The following COG5 variants were observed in gnomAD, a reference collection of about 807,000 sequenced individuals.
COG5 encodes conserved oligomeric Golgi complex subunit 5.
COG5 carries 86 observed loss-of-function variants against 110.4 expected under a neutral mutation model. The observed-to-expected ratio is 0.78, with a 90% CI of 0.65 to 0.93. The LOEUF is 0.93. COG5 is among the 40% of genes least tolerant of loss of function. The probability of loss-of-function intolerance (pLI) is 0.00; values close to 1 mark genes in which losing one functional copy is unlikely to be tolerated. For missense variants in COG5, 1,077 were observed against 987.0 expected, an observed-to-expected ratio of 1.09 and a Z score of -1.22; for synonymous variants, 360 against 334.6, an observed-to-expected ratio of 1.08 and a Z score of -0.83.
At chr7:107,253,936 C>T (rs766646878) in intron 16 of COG5, among the ~76,000 whole-genome samples, 4 of 152,098 alleles carry the variant, frequency 2.6e-5, no homozygotes, top group Non-Finnish European at 5.9e-5. Flanking sequence ...TTCCTTCCAT[C>T]CCCATTCTCT....
chr7:107,302,594 C>T (rs1055419355), intron 11 of COG5, among the ~76,000 whole-genome samples: 1 of 152,158 alleles, frequency 6.6e-6, no homozygotes, highest in Non-Finnish European at 1.5e-5. Context: ...TTTGGCCTCC[C>T]TCTTCCCTGA....
intron 7 of COG5, among the ~76,000 whole-genome samples, chr7:107,396,411 C>T (rs1584770595): frequency 6.6e-6 from 1 of 151,494 alleles, no homozygotes; most frequent in Non-Finnish European, 1.5e-5. Flanking sequence ...AATTAAGATA[C>T]TAAAAAGGAA....
chr7:107,266,384 T>C (rs1803805217), intron 14 of COG5, among the ~76,000 whole-genome samples: 1 of 152,168 alleles, frequency 6.6e-6, no homozygotes, highest in Non-Finnish European at 1.5e-5. Context: ...AAATTCTACT[T>C]AGGTTAACCA....
chr7:107,513,195 T>C (rs1799662080), intron 6 of COG5, among the ~76,000 whole-genome samples: 1 of 151,822 alleles, frequency 6.6e-6, no homozygotes. Context: ...TCAAACAAAT[T>C]TACAAGAAAA....
rs919233855 is a variant in COG5, at chr7:107,509,308, C to T, written c.538+17929G>A. Among the ~76,000 whole-genome samples, 6 of 151,428 alleles carry T rather than the reference C, an allele frequency of 4.0e-5. No homozygotes were observed. In the South Asian group the frequency reaches 8.4e-4, roughly 21 times the overall value. On this transcript the variant is annotated intron_variant, in intron 6 of 21. Transcript: ENST00000297135. ...AAGAAAGGGTACCAGTGATGGAAGACGAAATGAATGAACTGAAGCGAGAAG... is the reference window on the plus strand; with the variant it reads ...AAGAAAGGGTACCAGTGATGGAAGATGAAATGAATGAACTGAAGCGAGAAG...
Position 107,541,523 on chromosome 7 carries a change from A to AAAAAAATAT in COG5, c.417+6587_417+6588insATATTTTTT, listed in dbSNP as rs60423657. Among the ~76,000 whole-genome samples, 141 of 56,976 alleles carry AAAAAAATAT rather than the reference A, an allele frequency of 2.5e-3. 2 individuals carry two copies. Among genetic ancestry groups the AAAAAAATAT allele is most frequent in the Non-Finnish European group, 3.8e-3 (114 of 29,968 alleles). 37.4% of individuals were successfully genotyped at this position (56,976 alleles called of 152,430 possible). ...AAAAAAAAAAAAAAAAAAAAAAAAA[A>AAAAAAATAT]ATATATATATATATATATATGTATT... is the stretch of plus-strand genomic sequence containing the variant. On this transcript the variant is annotated intron_variant, in intron 5 of 21. Transcript: ENST00000297135.
rs568112360 is a variant in COG5 at position 107,371,291 on chromosome 7, C to T, written c.835+1304G>A. On this transcript the variant is annotated intron_variant, in intron 8 of 21. Coordinates refer to ENST00000297135, the MANE Select transcript of COG5 (RefSeq NM_006348.5). ...ATTACGTAAGGTCACATTTATATAG[C>T]AAATATAAAAATAATAGGCCAGGCA... Among the ~76,000 whole-genome samples, 16 of 152,084 alleles carry T rather than the reference C, an allele frequency of 1.1e-4. No homozygotes were observed. The South Asian group carries it at 3.3e-3, about 32-fold the overall frequency.
intron 18 of COG5, among the ~76,000 whole-genome samples, chr7:107,235,992 CTA>C (rs1801159708): frequency 6.6e-6 from 1 of 152,174 alleles, no homozygotes; most frequent in Admixed American, 6.5e-5. Flanking sequence ...TAATCAGACT[CTA>C]TGTCTACCTG....
At chr7:107,236,729 A>C (rs1048289264) in intron 17 of COG5, 42 bp from the exon 18 acceptor site, 1 of 1,272,192 alleles carries the variant, frequency 7.9e-7, no homozygotes, top group Non-Finnish European at 1.2e-6. Flanking sequence ...CGCTGCACTA[A>C]ATCACACTCT....
chr7:107,298,014 A>C, intron 12 of COG5, 128 bp downstream of exon 12: 1 of 406,302 alleles, frequency 2.5e-6, no homozygotes, highest in Non-Finnish European at 4.0e-6. Context: ...AAGGTATACA[A>C]ATAAACTACA....
At chr7:107,265,063 T>C (rs1307418752) in intron 14 of COG5, among the ~76,000 whole-genome samples, 1 of 152,216 alleles carries the variant, frequency 6.6e-6, no homozygotes, top group Non-Finnish European at 1.5e-5. Context: ...CTAAAAGGTT[T>C]ACTTGTAGAA....
At chr7:107,538,981 G>C (rs778127840) in intron 5 of COG5, among the ~76,000 whole-genome samples, 13 of 152,202 alleles carry the variant, frequency 8.5e-5, no homozygotes, top group African/African-American at 1.2e-4. Flanking sequence ...TGGTTCTTTT[G>C]ACTTTAAGTG....
chr7:107,485,334 A>C (rs943769894), intron 6 of COG5, among the ~76,000 whole-genome samples: 2 of 152,208 alleles, frequency 1.3e-5, no homozygotes, highest in African/African-American at 4.8e-5. Flanking sequence ...TTTGATTCAA[A>C]GATACAGTTA....
At chr7:107,547,583 C>T (rs1383179328) in intron 5 of COG5, among the ~76,000 whole-genome samples, 1 of 152,028 alleles carries the variant, frequency 6.6e-6, no homozygotes, top group Non-Finnish European at 1.5e-5. Context: ...TAAAATTATC[C>T]CTGTCTGCAG....
intron 5 of COG5, among the ~76,000 whole-genome samples, chr7:107,530,356 C>A (rs1801107727): frequency 6.6e-6 from 1 of 152,156 alleles, no homozygotes; most frequent in Non-Finnish European, 1.5e-5. Context: ...AATCCCATCA[C>A]TTTGGGAGGC....
intron 8 of COG5, among the ~76,000 whole-genome samples, chr7:107,363,675 G>A (rs750295004): frequency 2.6e-5 from 4 of 152,044 alleles, no homozygotes; most frequent in Admixed American, 2.0e-4. Flanking sequence ...AAATGTTATT[G>A]GCCGGGCATG....
intron 17 of COG5, among the ~76,000 whole-genome samples, chr7:107,242,226 A>C (rs958662324): frequency 2.0e-5 from 3 of 152,206 alleles, no homozygotes; most frequent in African/African-American, 7.2e-5. Flanking sequence ...CTAATCAAGG[A>C]AACAACCTGA....
chr7:107,472,034 TTA>T (rs1796663535), intron 6 of COG5: 1 of 152,016 alleles, frequency 6.6e-6, no homozygotes, highest in Non-Finnish European at 1.5e-5. Context: ...GCTACAAACG[TTA>T]TGTTTCCTTT....
Position 107,558,010 on chromosome 7 carries a change from C to T in COG5, c.200G>A (p.Gly67Glu). ...TAGTTCTCTGTCCAACTGACTGATTCCTTGGGCAAGTTTTGCTAGTTGTTC... is the reference window on the plus strand; with the variant it reads ...TAGTTCTCTGTCCAACTGACTGATTTCTTGGGCAAGTTTTGCTAGTTGTTC... ...IAEQLAKLAQ[G>E]ISQLDRELHL... The change falls in exon 2 of 22, where the codon GGA becomes GAA. Residue 67 changes from glycine (G) to glutamate (E), a missense_variant. Gly to Glu is a moderately conservative substitution (Grantham distance 98). Transcript: ENST00000297135. The T allele has an allele frequency of 6.2e-7, 1 of 1,613,710 alleles. No individual in the cohort carries two copies. The highest frequency in any genetic ancestry group is 8.5e-7 in the Non-Finnish European group (1 of 1,179,900).
Sources: allele counts gnomAD v4.1 joint callset (sites outside exome capture counted in the v4.1 genomes callset), GRCh38; gene constraint gnomAD v4.1.1; transcripts MANE v1.5; gene names NCBI Gene and HGNC (gene_info 2026-07-23, HGNC 2026-07-21).